BYSL: variants seen among roughly 807,000 people sequenced by gnomAD.
The protein encoded by BYSL is bystin like, also known as bystin.
Under a neutral mutation model 45.4 loss-of-function variants are expected in BYSL, and 21 were observed. The observed-to-expected ratio is 0.46, with a 90% CI of 0.33 to 0.67. BYSL has a LOEUF of 0.67. BYSL is among the 30% of genes least tolerant of loss of function. The probability of loss-of-function intolerance (pLI) is 0.02; values close to 1 mark genes in which losing one functional copy is unlikely to be tolerated. For missense variants in BYSL, 522 were observed against 578.5 expected (o/e 0.90, Z 1.00); for synonymous variants, 215 against 231.3 (o/e 0.93, Z 0.64).
chr6:41,927,451 G>A lies in BYSL; in HGVS notation c.346G>A (p.Ala116Thr). The A allele has an allele frequency of 1.2e-6, 2 of 1,614,172 alleles. No individual in the cohort carries two copies. Among genetic ancestry groups the A allele is most frequent in the South Asian group, 2.2e-5 (2 of 91,080 alleles). Residue 116 changes from alanine to threonine, a missense_variant, in exon 2 of 7, where the codon GCA (alanine) becomes ACA (threonine). Transcript: ENST00000230340. ...CCTGGAGAAGGCTGCCACAATGACA[G>A]CAGCGGGCCATCATGCAGAGGTGGT... The part of the protein sequence containing the change: ...PTLEKAATMT[A>T]AGHHAEVVVD...
At chr6:41,919,058 G>A (rs1435228304), upstream of BYSL, among the ~76,000 whole-genome samples, 2 of 146,422 alleles carry the variant, frequency 1.4e-5, no homozygotes, top group East Asian at 2.0e-4. Context: ...GAACCCGGGA[G>A]GCGGAGCTTG....
intron 2 of BYSL, among the ~76,000 whole-genome samples, chr6:41,929,796 G>T (rs1561944872): frequency 1.3e-5 from 2 of 152,246 alleles, no homozygotes; most frequent in Non-Finnish European, 1.5e-5. Flanking sequence ...CAGAGGCATA[G>T]AGAGGTAAAG....
chr6:41,931,922 C>A, intron 6 of BYSL, 92 bp downstream of exon 6: 1 of 1,237,202 alleles, frequency 8.1e-7, no homozygotes. Context: ...GGAGAAGGAG[C>A]TAAGGAAAGC....
Position 41,929,053 on chromosome 6 carries a change from C to T in BYSL, c.432-1079C>T, listed in dbSNP as rs541237735. Among the ~76,000 whole-genome samples the T allele has an allele frequency of 2.2e-4, 33 of 152,270 alleles. 1 individual carries two copies. The South Asian group carries it at 6.2e-3, about 29-fold the overall frequency. On this transcript the variant is annotated intron_variant, in intron 2 of 6. Transcript: ENST00000230340. ...AGTAGCTGGGATTACAGGCACGTACCACCACGCCTGGCTAATTTTTGTTTT... is the reference window on the plus strand; with the variant it reads ...AGTAGCTGGGATTACAGGCACGTACTACCACGCCTGGCTAATTTTTGTTTT...
At chr6:41,927,239 A>C in intron 1 of BYSL, 135 bp from the exon 2 acceptor site, 1 of 1,035,316 alleles carries the variant, frequency 9.7e-7, no homozygotes. Flanking sequence ...GAGCTAATGC[A>C]TTTGTTTCAC....
intron 4 of BYSL, 148 bp downstream of exon 4, chr6:41,930,916 T>G: frequency 8.2e-7 from 1 of 1,218,766 alleles, no homozygotes; most frequent in Non-Finnish European, 1.1e-6. Context: ...TTTTTCTAGC[T>G]TTTCCTGTGT....
the BYSL span, among the ~76,000 whole-genome samples, chr6:41,916,250 C>CA: frequency 7.1e-6 from 1 of 141,106 alleles, no homozygotes; most frequent in Non-Finnish European, 1.5e-5. Flanking sequence ...AACCCTATCT[C>CA]AAAAAAATAA....
At chr6:41,909,789 T>C in the BYSL span, among the ~76,000 whole-genome samples, 1 of 152,228 alleles carries the variant, frequency 6.6e-6, no homozygotes, top group African/African-American at 2.4e-5. Context: ...GTGTTGATCA[T>C]GTTTTAATTC....
the BYSL span, among the ~76,000 whole-genome samples, chr6:41,910,209 G>T: frequency 6.6e-6 from 1 of 152,274 alleles, no homozygotes; most frequent in East Asian, 1.9e-4. Flanking sequence ...TCAGGATCTG[G>T]ATCAGAAGAT....
At chr6:41,914,306 G>A in the BYSL span, among the ~76,000 whole-genome samples, 1 of 152,180 alleles carries the variant, frequency 6.6e-6, no homozygotes, top group African/African-American at 2.4e-5. Flanking sequence ...GAACACTGTG[G>A]GCTTCCTTTC....
In BYSL at chr6:41,924,611, G is replaced by T. The variant is rs139489067; in HGVS notation, c.269-2763G>T. 2.6e-3 allele frequency among the ~76,000 whole-genome samples: 391 copies of T among 152,314 alleles called. 3 individuals are homozygous for T. Among genetic ancestry groups the T allele is most frequent in the African/African-American group, 8.9e-3 (370 of 41,562 alleles). On this transcript the variant is annotated intron_variant, in intron 1 of 6. Coordinates refer to ENST00000230340, the MANE Select transcript of BYSL (RefSeq NM_004053.4). ...GTTTGCTGAATGACTGGGTTAATCG[G>T]TAATGAATGATGGTCAGGTAGGTGG...
At chr6:41,910,432 G>T in the BYSL span, among the ~76,000 whole-genome samples, 1 of 151,910 alleles carries the variant, frequency 6.6e-6, no homozygotes, top group Non-Finnish European at 1.5e-5. Flanking sequence ...AGGAGTTCCA[G>T]ACCGGCCTGA....
rs772531320 is a variant in BYSL at position 41,931,745 on chromosome 6, T to C, written c.883T>C (p.Cys295Arg). The change falls in exon 6 of 7, where the codon TGC becomes CGC. Residue 295 changes from cysteine to arginine, a missense_variant. Transcript: ENST00000230340. ...CTCCCTAGGGATCCTGATTCCACTG[T>C]GCGAGTCTGGCACTTGTACCCTCCG... ...AWFKGILIPL[C>R]ESGTCTLREA... 2 of 1,614,032 alleles carry C rather than the reference T, an allele frequency of 1.2e-6. No individual in the cohort carries two copies. Among genetic ancestry groups the C allele is most frequent in the Non-Finnish European group, 1.7e-6 (2 of 1,180,018 alleles).
chr6:41,916,888 C>T, upstream of BYSL: 1 of 1,614,092 alleles, frequency 6.2e-7, no homozygotes, highest in South Asian at 1.1e-5. Context: ...GGGTAAGGAG[C>T]TCTACGGTTT....
At chr6:41,930,357 C>T (rs1485775809) in intron 3 of BYSL, 87 bp downstream of exon 3, 37 of 1,516,480 alleles carry the variant, frequency 2.4e-5, no homozygotes, top group Non-Finnish European at 3.1e-5. Flanking sequence ...TTGCCTGCAT[C>T]ACATACTAAA....
At position 41,931,504 on chromosome 6, in the gene BYSL, T is replaced by C; in HGVS notation, c.813T>C (p.His271=). The C allele has an allele frequency of 6.2e-7, 1 of 1,614,042 alleles. No individual in the cohort carries two copies. The highest frequency in any genetic ancestry group is 8.5e-7 in the Non-Finnish European group (1 of 1,180,010). ...DVAEYKRLNF[H]LYMALKKALF... Reference sequence around the variant, plus strand: ...CTGAATACAAACGACTCAACTTCCATCTCTACATGGCTCTCAAGAAGGCCC... The same window carrying C: ...CTGAATACAAACGACTCAACTTCCACCTCTACATGGCTCTCAAGAAGGCCC... Residue 271 remains histidine (H), a synonymous_variant, in exon 5 of 7, where the codon CAT becomes CAC. Transcript: ENST00000230340.
the BYSL span, chr6:41,909,092 T>G: frequency 3.9e-6 from 3 of 771,086 alleles, no homozygotes; most frequent in Admixed American, 2.7e-5. Flanking sequence ...AAGGATCACT[T>G]GAGCCCTGGA....
chr6:41,923,503 G>A (rs1339675330), intron 1 of BYSL, among the ~76,000 whole-genome samples: 4 of 152,086 alleles, frequency 2.6e-5, no homozygotes, highest in Non-Finnish European at 5.9e-5. Flanking sequence ...CACCATGTTG[G>A]CCAGACTGGT....
the BYSL span, chr6:41,909,224 C>T: frequency 6.3e-7 from 1 of 1,583,446 alleles, no homozygotes; most frequent in South Asian, 1.1e-5. Context: ...CTTTGCTAAG[C>T]AGCCCCCTCA....
Sources: gnomAD v4.1 joint callset for allele counts (sites outside exome capture counted in the v4.1 genomes callset) on GRCh38, gnomAD v4.1.1 for gene constraint, MANE v1.5 for transcripts, NCBI Gene and HGNC (gene_info 2026-07-23, HGNC 2026-07-21) for gene names.